The following N4BP1 variants were observed in gnomAD, a reference collection of about 807,000 sequenced individuals.
N4BP1 encodes the protein NEDD4 binding protein 1, also known as NEDD4-binding protein 1.
N4BP1 carries 21 observed loss-of-function variants against 70.9 expected under a neutral mutation model. The observed-to-expected ratio is 0.30, with a 90% CI of 0.21 to 0.43. The LOEUF is 0.43. N4BP1 is among the 20% of genes least tolerant of loss of function. N4BP1 has a pLI of 1.00. For synonymous variants in N4BP1, 387 were observed against 394.6 expected, an observed-to-expected ratio of 0.98 and a Z score of 0.23; for missense variants, 936 against 1,069.4, an observed-to-expected ratio of 0.88 and a Z score of 1.74.
At position 48,560,948 on chromosome 16, in the gene N4BP1, C is replaced by G. The variant is rs1963845456; in HGVS notation, c.1695G>C (p.Met565Ile). ...KPNCSTLSPP[M>I]PLPQLLPSVT... ...CCGAAGGTAACAGCTGGGGCAGTGG[C>G]ATTGGTGGAGAAAGGGTTGAGCAAT... The change falls in exon 2 of 7, where the codon ATG (methionine) becomes ATC (isoleucine). Residue 565 changes from methionine (M) to isoleucine (I), a missense_variant. By Grantham distance (10) the Met-to-Ile change is conservative. Coordinates refer to ENST00000262384, the MANE Select transcript of N4BP1 (RefSeq NM_153029.4). The G allele has an allele frequency of 6.2e-7, 1 of 1,613,952 alleles. No individual in the cohort carries two copies. Among genetic ancestry groups the G allele is most frequent in the Non-Finnish European group, 8.5e-7 (1 of 1,179,882 alleles).
chr16:48,539,202 A>T lies in N4BP1; in HGVS notation c.*3702T>A, dbSNP rs1268383918. On this transcript the variant is annotated 3_prime_UTR_variant, in exon 7 of 7. Coordinates refer to ENST00000262384, the MANE Select transcript of N4BP1 (RefSeq NM_153029.4). The stretch of plus-strand genomic sequence containing the variant: ...CCACTGCAGATCACTTCGCAGGAGG[A>T]GGGGTGACTAGAAGTATGTTACTGG... 1 of 152,244 alleles carries T rather than the reference A, an allele frequency of 6.6e-6. No individual in the cohort carries two copies. The highest frequency in any genetic ancestry group is 1.5e-5 in the Non-Finnish European group (1 of 68,110). The allele number at this position is 152,244 out of a possible 1,614,324, so 9.4% of individuals were successfully genotyped here. A position where few individuals can be genotyped will look rare whatever the true frequency, so the allele number is the denominator to read the frequency against.
intron 1 of N4BP1, among the ~76,000 whole-genome samples, chr16:48,595,768 G>T (rs1255011684): frequency 6.6e-6 from 1 of 152,196 alleles, no homozygotes; most frequent in African/African-American, 2.4e-5. Flanking sequence ...ACCAATAAAA[G>T]CCCCTTGGGA....
In N4BP1 at chr16:48,540,167, A is replaced by T. The variant is rs1184798182; in HGVS notation, c.*2737T>A. On this transcript the variant is annotated 3_prime_UTR_variant, in exon 7 of 7. Coordinates refer to ENST00000262384, the MANE Select transcript of N4BP1 (RefSeq NM_153029.4). The stretch of plus-strand genomic sequence containing the variant: ...GGCCAGGAGGCGGGAGGCGTGGGTC[A>T]GAGACACTGCAGGAACTGGGTGAGG... 1 of 152,650 alleles carries T rather than the reference A, an allele frequency of 6.6e-6. No individual in the cohort carries two copies. The highest frequency in any genetic ancestry group is 1.5e-5 in the Non-Finnish European group (1 of 68,312). The allele number at this position is 152,650 out of a possible 1,614,324, so 9.5% of individuals were successfully genotyped here.
rs1963868989 is a variant in N4BP1 at position 48,562,096 on chromosome 16, T to C, written c.547A>G (p.Lys183Glu). The part of the protein sequence containing the change: ...MDLLILPTSL[K>E]KELLTLTQGE... The stretch of plus-strand genomic sequence containing the variant: ...TGTGTGAGTGTCAAAAGTTCTTTTT[T>C]CAAGGAAGTGGGCAAAATCAACAAA... The change falls in exon 2 of 7, where the codon AAA becomes GAA. Residue 183 changes from lysine (K) to glutamate (E), a missense_variant. Physicochemically the swap from Lys to Glu is moderately conservative, Grantham distance 56. This residue lies in a region of N4BP1 where 5 missense variants were observed against 17.1 expected (regional missense o/e 0.29). Transcript: ENST00000262384. 6.2e-7 allele frequency: 1 copy of C among 1,613,888 alleles called. No homozygotes were observed. Among genetic ancestry groups the C allele is most frequent in the Non-Finnish European group, 8.5e-7 (1 of 1,179,882 alleles).
chr16:48,551,196 A>C (rs1963660828), intron 4 of N4BP1, among the ~76,000 whole-genome samples, 190 bp downstream of exon 4: 1 of 150,780 alleles, frequency 6.6e-6, no homozygotes, highest in African/African-American at 2.5e-5. Flanking sequence ...CTAAAACACA[A>C]AGAGTTTCTT....
chr16:48,573,313 T>A lies in N4BP1; in HGVS notation c.199-10869A>T, dbSNP rs551949779. On this transcript the variant is annotated intron_variant, in intron 1 of 6. Transcript: ENST00000262384. ...ATTGATAAGAAATAGCAGTACAGGCTGGGCACAGTGGCTCACACCTATAAA... is the reference window on the plus strand; with the variant it reads ...ATTGATAAGAAATAGCAGTACAGGCAGGGCACAGTGGCTCACACCTATAAA... Among the ~76,000 whole-genome samples, 7 of 152,132 alleles carry A rather than the reference T, an allele frequency of 4.6e-5. No individual in the cohort carries two copies. The South Asian group carries it at 1.5e-3, about 32-fold the overall frequency.
intron 1 of N4BP1, among the ~76,000 whole-genome samples, chr16:48,609,435 G>A (rs552640626): frequency 1.3e-5 from 2 of 152,264 alleles, no homozygotes; most frequent in African/African-American, 4.8e-5. Flanking sequence ...TGGGGGCCGG[G>A]GAACTGACAA....
chr16:48,545,985 G>T (rs1963585729), intron 6 of N4BP1, 162 bp downstream of exon 6: 1 of 487,900 alleles, frequency 2.0e-6, no homozygotes, highest in Admixed American at 3.9e-5. Context: ...CCGAAATCAC[G>T]CCACTGCATT....
chr16:48,576,490 A>T (rs1870381690), intron 1 of N4BP1, among the ~76,000 whole-genome samples: 1 of 152,142 alleles, frequency 6.6e-6, no homozygotes, highest in Non-Finnish European at 1.5e-5. Flanking sequence ...TCCCTACTAC[A>T]TCTGTAAATC....
At chr16:48,575,843 G>C (rs1459699822) in intron 1 of N4BP1, among the ~76,000 whole-genome samples, 1 of 152,148 alleles carries the variant, frequency 6.6e-6, no homozygotes, top group African/African-American at 2.4e-5. Flanking sequence ...AGCTACCATG[G>C]GGGTAGGTAT....
At chr16:48,544,187 G>A (rs563749176) in intron 6 of N4BP1, among the ~76,000 whole-genome samples, 1 of 152,318 alleles carries the variant, frequency 6.6e-6, no homozygotes, top group South Asian at 2.1e-4. Flanking sequence ...AGAAAAGCAT[G>A]GCATTTGGGA....
At chr16:48,602,832 T>TAAAA (rs1964523863) in intron 1 of N4BP1, among the ~76,000 whole-genome samples, 2 of 131,324 alleles carry the variant, frequency 1.5e-5, no homozygotes, top group Admixed American at 7.6e-5. Flanking sequence ...AATAAATAAA[T>TAAAA]AAAAGCCCAG....
chr16:48,606,314 T>G (rs548903126), intron 1 of N4BP1, among the ~76,000 whole-genome samples: 1 of 152,206 alleles, frequency 6.6e-6, no homozygotes, highest in Non-Finnish European at 1.5e-5. Flanking sequence ...CTTGCAACAA[T>G]GTTCATTTCA....
At chr16:48,560,606 G>C in intron 2 of N4BP1, 148 bp downstream of exon 2, 1 of 999,916 alleles carries the variant, frequency 1.0e-6, no homozygotes, top group Non-Finnish European at 1.4e-6. Flanking sequence ...TTTCCAACCA[G>C]TTGGTTCCCA....
Position 48,610,000 on chromosome 16 carries a change from C to T in N4BP1, c.-28G>A, listed in dbSNP as rs1964660317. ...CGGGCGCGGCCTCCCGCGGCGGCGC[C>T]GGGGGCCGGCGGCGGCGACGCCCCC... On this transcript the variant is annotated 5_prime_UTR_variant, in exon 1 of 7. Coordinates refer to ENST00000262384, the MANE Select transcript of N4BP1 (RefSeq NM_153029.4). 2.6e-6 allele frequency: 3 copies of T among 1,138,742 alleles called. No individual in the cohort carries two copies. Among genetic ancestry groups the T allele is most frequent in the South Asian group, 4.3e-5 (1 of 23,498 alleles). 70.5% of individuals were successfully genotyped at this position (1,138,742 alleles called of 1,614,324 possible).
At position 48,610,011 on chromosome 16, in the gene N4BP1, G is replaced by A; in HGVS notation, c.-39C>T. On this transcript the variant is annotated 5_prime_UTR_variant, in exon 1 of 7. Coordinates refer to ENST00000262384, the MANE Select transcript of N4BP1 (RefSeq NM_153029.4). The stretch of plus-strand genomic sequence containing the variant: ...TCCCGCGGCGGCGCCGGGGGCCGGC[G>A]GCGGCGACGCCCCCTCAGCTTGCTG... 2.8e-6 allele frequency: 3 copies of A among 1,088,526 alleles called. No homozygotes were observed. Among genetic ancestry groups the A allele is most frequent in the Non-Finnish European group, 3.4e-6 (3 of 892,720 alleles). The allele number at this position is 1,088,526 out of a possible 1,614,324, so 67.4% of individuals were successfully genotyped here. A position where few individuals can be genotyped will look rare whatever the true frequency, so the allele number is the denominator to read the frequency against.
intron 1 of N4BP1, among the ~76,000 whole-genome samples, chr16:48,605,025 G>C (rs933644229): frequency 2.0e-5 from 3 of 151,948 alleles, no homozygotes; most frequent in African/African-American, 7.3e-5. Flanking sequence ...TGATCTAAAA[G>C]AAGGGTTCTT....
At chr16:48,588,175 T>G (rs1964276329) in intron 1 of N4BP1, among the ~76,000 whole-genome samples, 1 of 152,036 alleles carries the variant, frequency 6.6e-6, no homozygotes, top group South Asian at 2.1e-4. Flanking sequence ...GTGGGTGTGA[T>G]ATCAAGAATA....
chr16:48,610,006 C>CCGG lies in N4BP1; in HGVS notation c.-37_-35dup. ...CGGCCTCCCGCGGCGGCGCCGGGGG[C>CCGG]CGGCGGCGGCGACGCCCCCTCAGCT... On this transcript the variant is annotated 5_prime_UTR_variant, in exon 1 of 7. Coordinates refer to ENST00000262384, the MANE Select transcript of N4BP1 (RefSeq NM_153029.4). 1 of 1,111,608 alleles carries CCGG rather than the reference C, an allele frequency of 9.0e-7. No individual in the cohort carries two copies. Among genetic ancestry groups the CCGG allele is most frequent in the Non-Finnish European group, 1.1e-6 (1 of 909,334 alleles). 68.9% of individuals were successfully genotyped at this position (1,111,608 alleles called of 1,614,324 possible). A position where few individuals can be genotyped will look rare whatever the true frequency, so the allele number is the denominator to read the frequency against.
Sources: allele counts gnomAD v4.1 joint callset (sites outside exome capture counted in the v4.1 genomes callset), GRCh38; gene constraint gnomAD v4.1.1; regional missense constraint gnomAD v4.1.1; transcripts MANE v1.5; gene names NCBI Gene and HGNC (gene_info 2026-07-23, HGNC 2026-07-21).